LPIN1: variants seen among roughly 807,000 people sequenced by gnomAD.
LPIN1 encodes phosphatidate phosphatase LPIN1.
Under a neutral mutation model 107.5 loss-of-function variants are expected in LPIN1, and 71 were observed. The ratio of observed to expected loss-of-function variants is 0.66; its 90% CI spans 0.55 to 0.80. The LOEUF is 0.80. Ranked by LOEUF, LPIN1 falls within the 30% of genes least tolerant of loss-of-function variation. The probability of loss-of-function intolerance (pLI) is 0.00; values close to 1 mark genes in which losing one functional copy is unlikely to be tolerated. For synonymous variants in LPIN1, 445 were observed against 452.6 expected (o/e 0.98, Z 0.21); for missense variants, 1,043 against 1,160.6 (o/e 0.90, Z 1.47).
intron 1 of LPIN1, among the ~76,000 whole-genome samples, chr2:11,706,177 A>T (rs1255780441): frequency 6.6e-6 from 1 of 152,232 alleles, no homozygotes; most frequent in Non-Finnish European, 1.5e-5. Context: ...AGTCTTGGGT[A>T]TGTCTTTATC....
chr2:11,813,344 TGA>T (rs931653377), intron 17 of LPIN1, among the ~76,000 whole-genome samples: 1 of 152,184 alleles, frequency 6.6e-6, no homozygotes, highest in African/African-American at 2.4e-5. Flanking sequence ...GTAATCAATA[TGA>T]AAACGATTAA....
chr2:11,729,519 A>G (rs184206325), intron 1 of LPIN1, among the ~76,000 whole-genome samples: 1 of 152,324 alleles, frequency 6.6e-6, no homozygotes, highest in Non-Finnish European at 1.5e-5. Flanking sequence ...CACATGGGCC[A>G]TATCTGTTCT....
intron 1 of LPIN1, among the ~76,000 whole-genome samples, chr2:11,680,969 T>TAAC (rs1661682142): frequency 6.6e-6 from 1 of 152,210 alleles, no homozygotes; most frequent in African/African-American, 2.4e-5. Flanking sequence ...TTATAATACC[T>TAAC]AACTATATAC....
chr2:11,821,256 C>T (rs537229178), intron 20 of LPIN1, among the ~76,000 whole-genome samples: 2 of 152,242 alleles, frequency 1.3e-5, no homozygotes, highest in South Asian at 2.1e-4. Context: ...GTGGCTCATG[C>T]CTGTAATCCC....
intron 1 of LPIN1, among the ~76,000 whole-genome samples, chr2:11,680,283 T>C (rs1170810127): frequency 6.6e-6 from 1 of 152,100 alleles, no homozygotes; most frequent in East Asian, 1.9e-4. Context: ...GGCAGCAGCG[T>C]GAGCCCTCGG....
At chr2:11,732,905 C>T (rs576666442) in intron 1 of LPIN1, among the ~76,000 whole-genome samples, 4 of 146,952 alleles carry the variant, frequency 2.7e-5, no homozygotes, top group African/African-American at 1.1e-4. Context: ...CTCTCTCTCT[C>T]TCTCTCTGTG....
rs190566042 is a variant in LPIN1, at chr2:11,789,607, G to A, written c.1713+1151G>A. ...GTGTGTGCATGTGTTGTGTTTTGAG[G>A]ACCGCAGTCTCATCCTGGGTGGTGC... is the stretch of plus-strand genomic sequence containing the variant. On this transcript the variant is annotated intron_variant, in intron 12 of 20. Coordinates refer to ENST00000674199, the MANE Select transcript of LPIN1 (RefSeq NM_001349206.2). Among the ~76,000 whole-genome samples the A allele has an allele frequency of 2.7e-3, 405 of 152,208 alleles. 3 individuals carry two copies. Among genetic ancestry groups the A allele is most frequent in the Non-Finnish European group, 2.5e-3 (168 of 68,010 alleles).
At chr2:11,811,950 A>G (rs531739955) in intron 17 of LPIN1, among the ~76,000 whole-genome samples, 4 of 152,256 alleles carry the variant, frequency 2.6e-5, no homozygotes, top group South Asian at 2.1e-4. Context: ...GTGCCACTGC[A>G]CTCCAGCCTG....
rs949357903 is a variant in LPIN1, at chr2:11,825,886, G to C, written c.*1095G>C. The C allele has an allele frequency of 1.3e-5, 2 of 152,166 alleles. No individual in the cohort carries two copies. Among genetic ancestry groups the C allele is most frequent in the African/African-American group, 4.8e-5 (2 of 41,410 alleles). 9.4% of individuals were successfully genotyped at this position (152,166 alleles called of 1,614,324 possible). ...ATATATTAAAAAGATGTATGTGTTAGACTATCGAAAGGGCCTTATTCTCTC... is the reference window on the plus strand; with the variant it reads ...ATATATTAAAAAGATGTATGTGTTACACTATCGAAAGGGCCTTATTCTCTC... On this transcript the variant is annotated 3_prime_UTR_variant, in exon 21 of 21. Coordinates refer to ENST00000674199, the MANE Select transcript of LPIN1 (RefSeq NM_001349206.2). The surrounding 1 kb of genome is among the most constrained non-coding windows in gnomAD (Gnocchi z 4.1).
Position 11,771,519 on chromosome 2 carries a change from C to T in LPIN1, c.436C>T (p.Pro146Ser), listed in dbSNP as rs1671837772. The T allele has an allele frequency of 6.2e-7, 1 of 1,614,140 alleles. No homozygotes were observed. The highest frequency in any genetic ancestry group is 1.3e-5 in the African/African-American group (1 of 75,012). ...PAQVIAPSET[P>S]SSSSVVKKRR... ...CCAAGTGATCGCTCCCAGCGAGACG[C>T]CGTCAAGCAGCTCTGTAGTAAAGAA... The change falls in exon 4 of 21, where the codon CCG (proline) becomes TCG (serine). Residue 146 changes from proline to serine, a missense_variant. Transcript: ENST00000674199. This position sits in a 1 kb window ranked among gnomAD's most constrained non-coding sequence, Gnocchi z 4.8.
In LPIN1 at chr2:11,799,309, C is replaced by T. The variant is rs74428090; in HGVS notation, c.1887-3598C>T. Among the ~76,000 whole-genome samples, 1,206 of 152,118 alleles carry T rather than the reference C, an allele frequency of 7.9e-3. 8 individuals carry two copies. Among genetic ancestry groups the T allele is most frequent in the Middle Eastern group, 0.017 (5 of 294 alleles). On this transcript the variant is annotated intron_variant, in intron 14 of 20. Transcript: ENST00000674199. ...GCTATTCCGCCTTGCCTCCTCATCCCGCCGGCAGAGGTACACATCAATCTG... is the reference window on the plus strand; with the variant it reads ...GCTATTCCGCCTTGCCTCCTCATCCTGCCGGCAGAGGTACACATCAATCTG...
chr2:11,721,263 C>CGTGTGTGTGTGTGTGTGTGT (rs5829326), upstream of LPIN1, among the ~76,000 whole-genome samples: 8 of 129,886 alleles, frequency 6.2e-5, no homozygotes, highest in African/African-American at 2.3e-4. Flanking sequence ...GTACTGCATG[C>CGTGTGTGTGTGTGTGTGTGT]GTGTGTGTGT....
At chr2:11,747,572 T>G (rs938980872) in intron 1 of LPIN1, among the ~76,000 whole-genome samples, 4 of 152,340 alleles carry the variant, frequency 2.6e-5, no homozygotes, top group Non-Finnish European at 5.9e-5. Flanking sequence ...AATCAAAGCT[T>G]GTAGCCGTTT....
chr2:11,706,780 GC>G (rs1341968171), intron 1 of LPIN1, among the ~76,000 whole-genome samples: 1 of 152,200 alleles, frequency 6.6e-6, no homozygotes, highest in Admixed American at 6.5e-5. Context: ...CCCTCTTGGA[GC>G]GTGGGGTGAG....
Position 11,770,348 on chromosome 2 carries a change from C to A in LPIN1, c.289-1024C>A, listed in dbSNP as rs1226305284. Reference sequence around the variant, plus strand: ...AGGACCCCTGGGATGCTGCTGGAAGCTGGAGAGCCCGTGTCCTTCAGCACT... The same window carrying A: ...AGGACCCCTGGGATGCTGCTGGAAGATGGAGAGCCCGTGTCCTTCAGCACT... On this transcript the variant is annotated intron_variant, in intron 3 of 20. Coordinates refer to ENST00000674199, the MANE Select transcript of LPIN1 (RefSeq NM_001349206.2). Among the ~76,000 whole-genome samples, 11 of 152,294 alleles carry A rather than the reference C, an allele frequency of 7.2e-5. No homozygotes were observed. The South Asian group carries it at 1.7e-3, about 23-fold the overall frequency.
chr2:11,759,185 CTTTCT>C (rs1248567259), intron 1 of LPIN1, among the ~76,000 whole-genome samples: 135 of 133,584 alleles, frequency 1.0e-3, no homozygotes, highest in African/African-American at 3.7e-3. Context: ...TTCTTTCTTT[CTTTCT>C]TTTCTTTCTT....
intron 1 of LPIN1, among the ~76,000 whole-genome samples, chr2:11,713,382 T>G (rs980513422): frequency 2.0e-5 from 3 of 152,226 alleles, no homozygotes; most frequent in Non-Finnish European, 4.4e-5. Flanking sequence ...GTGATTCTCC[T>G]GCCTCAGCCT....
intron 1 of LPIN1, among the ~76,000 whole-genome samples, chr2:11,705,304 T>C (rs1256126910): frequency 6.6e-6 from 1 of 152,222 alleles, no homozygotes; most frequent in Non-Finnish European, 1.5e-5. Context: ...AAATCACCTT[T>C]ATTTTTCCAT....
intron 1 of LPIN1, among the ~76,000 whole-genome samples, chr2:11,750,070 C>T (rs1667558633): frequency 6.6e-6 from 1 of 152,196 alleles, no homozygotes; most frequent in Non-Finnish European, 1.5e-5. Context: ...TGCTGGCACG[C>T]ACTTGTGCCC....
Sources: gnomAD v4.1 joint callset for allele counts (sites outside exome capture counted in the v4.1 genomes callset) on GRCh38, gnomAD v4.1.1 for gene constraint, Gnocchi (gnomAD v3.1) non-coding constraint, MANE v1.5 for transcripts, NCBI Gene and HGNC (gene_info 2026-07-23, HGNC 2026-07-21) for gene names.